The following MDM2 variants were observed in gnomAD, a reference collection of about 807,000 sequenced individuals.
MDM2 encodes the protein MDM2 proto-oncogene.
In MDM2, 11 loss-of-function variants were observed where a neutral mutation model predicts 64.3. The ratio of observed to expected loss-of-function variants is 0.17; its 90% CI spans 0.11 to 0.28. The LOEUF is 0.28. MDM2 is among the 10% of genes least tolerant of loss of function. The pLI, the probability that MDM2 is intolerant of heterozygous loss-of-function variation, is 1.00. For missense variants in MDM2, 388 were observed against 577.1 expected (o/e 0.67, Z 3.36); for synonymous variants, 194 against 192.9 (o/e 1.01, Z -0.05).
chr12:68,840,311 AT>A lies in MDM2; in HGVS notation c.*468del, dbSNP rs201252366. The A allele has an allele frequency of 1.6e-3, 273 of 173,708 alleles. No individual in the cohort carries two copies. The highest frequency in any genetic ancestry group is 6.0e-3 in the African/African-American group (252 of 41,964). The allele number at this position is 173,708 out of a possible 1,614,324, so 10.8% of individuals were successfully genotyped here. ...AGTCATCTGCCACCACACCTGGCTA[AT>A]TTTTTGTACTTTTAGTAGAGACAGG... On this transcript the variant is annotated 3_prime_UTR_variant, in exon 11 of 11. Coordinates refer to ENST00000258149, the MANE Select transcript of MDM2 (RefSeq NM_002392.6).
chr12:68,832,292 AAGACTGTGTTCT>A (rs1337831811), intron 8 of MDM2, among the ~76,000 whole-genome samples: 1 of 152,122 alleles, frequency 6.6e-6, no homozygotes, highest in African/African-American at 2.4e-5. Context: ...GTGGGAAACT[AAGACTGTGTTCT>A]AGACTGTACA....
downstream of MDM2, chr12:68,849,926 G>A (rs145035636): frequency 0.022 from 3,317 of 152,200 alleles, 35 homozygotes; most frequent in African/African-American, 0.025. Context: ...TCTTAACAGC[G>A]CTGAGAGACC....
Position 68,815,460 on chromosome 12 carries a change from G to A in MDM2, c.175-1352G>A, listed in dbSNP as rs553094498. 1.0e-4 allele frequency among the ~76,000 whole-genome samples: 6 copies of A among 59,402 alleles called. No individual in the cohort carries two copies. In the East Asian group the frequency reaches 2.5e-3, roughly 25 times the overall value. 39.0% of individuals were successfully genotyped at this position (59,402 alleles called of 152,430 possible). ...TTTTTTTTTTTTTTTTTTTTTTTAT[G>A]TGACAGTTTCTCACTCTCTTGCCCA... is the stretch of plus-strand genomic sequence containing the variant. On this transcript the variant is annotated intron_variant, in intron 3 of 10. Transcript: ENST00000258149.
chr12:68,816,690 A>T, intron 3 of MDM2, 122 bp from the exon 4 acceptor site: 2 of 867,362 alleles, frequency 2.3e-6, no homozygotes, highest in Non-Finnish European at 3.4e-6. Flanking sequence ...TGGTTGTTCT[A>T]CATAGTTGTG....
intron 1 of MDM2, among the ~76,000 whole-genome samples, chr12:68,808,770 G>A (rs1029624076): frequency 1.3e-5 from 2 of 151,688 alleles, no homozygotes; most frequent in Admixed American, 6.6e-5. Context: ...CAGGGTAAAG[G>A]TCACGGGGGC....
downstream of MDM2, chr12:68,849,305 G>C (rs1393527382): frequency 6.6e-6 from 1 of 150,416 alleles, no homozygotes; most frequent in Non-Finnish European, 1.5e-5. Context: ...GGCCAGGCTG[G>C]TCTCGAACTC....
chr12:68,822,756 T>TG (rs1881969441), intron 5 of MDM2, among the ~76,000 whole-genome samples: 1 of 152,070 alleles, frequency 6.6e-6, no homozygotes, highest in African/African-American at 2.4e-5. Flanking sequence ...CTTTTTTTTT[T>TG]TTGAGATGGA....
chr12:68,821,991 A>T (rs925741931), intron 5 of MDM2, among the ~76,000 whole-genome samples: 1 of 152,014 alleles, frequency 6.6e-6, no homozygotes, highest in Non-Finnish European at 1.5e-5. Flanking sequence ...AGTTGCTGGG[A>T]CTACAGATGT....
chr12:68,849,160 G>A, downstream of MDM2: 1 of 152,072 alleles, frequency 6.6e-6, no homozygotes, highest in Non-Finnish European at 1.5e-5. Flanking sequence ...CGCGATCTCG[G>A]CTCACTGCAA....
At chr12:68,835,060 G>GA (rs937178804) in intron 8 of MDM2, among the ~76,000 whole-genome samples, 1 of 151,520 alleles carries the variant, frequency 6.6e-6, no homozygotes, top group African/African-American at 2.4e-5. Flanking sequence ...ATTTTTCTAA[G>GA]AAAAAAAACC....
chr12:68,824,567 G>A lies in MDM2; in HGVS notation c.439G>A (p.Glu147Lys). The change falls in exon 7 of 11, where the codon GAG becomes AAG. Residue 147 changes from glutamate to lysine, a missense_variant. Physicochemically the swap from Glu to Lys is moderately conservative, Grantham distance 56. Coordinates refer to ENST00000258149, the MANE Select transcript of MDM2 (RefSeq NM_002392.6). The part of the protein sequence containing the change: ...GGSDQKDLVQ[E>K]LQEEKPSSSH... The stretch of plus-strand genomic sequence containing the variant: ...CCTAAATGCTTAGGACCTTGTACAA[G>A]AGCTTCAGGAAGAGAAACCTTCATC... The A allele has an allele frequency of 6.2e-7, 1 of 1,613,250 alleles. No homozygotes were observed. The highest frequency in any genetic ancestry group is 8.5e-7 in the Non-Finnish European group (1 of 1,179,710).
rs776797879 is a variant in MDM2, at chr12:68,820,298, GTTAT to G, written c.309-24_309-21del. On this transcript the variant is annotated intron_variant, in intron 4 of 10. Coordinates refer to ENST00000258149, the MANE Select transcript of MDM2 (RefSeq NM_002392.6). Reference sequence around the variant, plus strand: ...TTTTATTCTAAAATGTACATCTCTTGTTATTTTTTTTTTTTCTGTCTACAAGGAA... The same window carrying G: ...TTTTATTCTAAAATGTACATCTCTTGTTTTTTTTTTTCTGTCTACAAGGAA... 5 of 1,468,284 alleles carry G rather than the reference GTTAT, an allele frequency of 3.4e-6. No homozygotes were observed. The South Asian group carries it at 6.1e-5, about 18-fold the overall frequency. 91.0% of individuals were successfully genotyped at this position (1,468,284 alleles called of 1,614,324 possible).
At chr12:68,836,492 G>T in intron 9 of MDM2, 180 bp from the exon 10 acceptor site, 1 of 500,880 alleles carries the variant, frequency 2.0e-6, no homozygotes, top group South Asian at 2.8e-5. Flanking sequence ...TACCATTGTG[G>T]GTAAGGATTT....
intron 2 of MDM2, among the ~76,000 whole-genome samples, chr12:68,812,090 C>T (rs1163673026): frequency 1.3e-5 from 2 of 151,780 alleles, no homozygotes; most frequent in Non-Finnish European, 2.9e-5. Context: ...TAATTTGAAG[C>T]TAATATAGCA....
chr12:68,849,109 T>G (rs1349537532), downstream of MDM2: 2 of 144,532 alleles, frequency 1.4e-5, no homozygotes, highest in African/African-American at 2.8e-5. Flanking sequence ...TTTTTTTTTT[T>G]GAGATGGAGT....
intron 4 of MDM2, among the ~76,000 whole-genome samples, chr12:68,818,849 G>A (rs1881614713): frequency 6.6e-6 from 1 of 151,336 alleles, no homozygotes; most frequent in South Asian, 2.1e-4. Flanking sequence ...TCTTGCCTCA[G>A]CCTCCTGAGT....
chr12:68,819,028 G>A (rs1241354218), intron 4 of MDM2, among the ~76,000 whole-genome samples: 2 of 152,044 alleles, frequency 1.3e-5, no homozygotes, highest in African/African-American at 2.4e-5. Flanking sequence ...CACTGTGCCT[G>A]GTCTGAATAT....
chr12:68,808,189 AGGCACCGC>A lies in MDM2; in HGVS notation c.-285_-278del. On this transcript the variant is annotated 5_prime_UTR_variant, in exon 1 of 11. Coordinates refer to ENST00000258149, the MANE Select transcript of MDM2 (RefSeq NM_002392.6). ...CTCGGGCGGTAGGGGGCGCGCACCG[AGGCACCGC>A]GGCGAGCTTGGCTGCTTCTGGGGCC... The A allele has an allele frequency of 2.0e-6, 1 of 512,280 alleles. No individual in the cohort carries two copies. Among genetic ancestry groups the A allele is most frequent in the Non-Finnish European group, 3.4e-6 (1 of 291,536 alleles). The allele number at this position is 512,280 out of a possible 1,614,324, so 31.7% of individuals were successfully genotyped here.
chr12:68,814,233 TA>T (rs1414825566), intron 3 of MDM2, among the ~76,000 whole-genome samples: 1 of 152,074 alleles, frequency 6.6e-6, no homozygotes, highest in African/African-American at 2.4e-5. Flanking sequence ...TTTGTCTTTT[TA>T]GTAGAGATGG....
Sources: allele counts gnomAD v4.1 joint callset (sites outside exome capture counted in the v4.1 genomes callset), GRCh38; gene constraint gnomAD v4.1.1; transcripts MANE v1.5; gene names NCBI Gene and HGNC (gene_info 2026-07-23, HGNC 2026-07-21).